Variants in COG3 observed in about 807,000 individuals in gnomAD.
COG3 encodes the protein conserved oligomeric Golgi complex subunit 3.
Under a neutral mutation model 114.1 loss-of-function variants are expected in COG3, and 32 were observed. The ratio of observed to expected loss-of-function variants is 0.28; its 90% CI spans 0.21 to 0.38. The LOEUF is 0.38. COG3 is among the 10% of genes least tolerant of loss of function. The pLI is 1.00. For synonymous variants in COG3, 352 were observed against 365.7 expected (o/e 0.96, Z 0.43); for missense variants, 813 against 973.2 (o/e 0.84, Z 2.19).
chr13:45,484,232 AT>A lies in COG3; in HGVS notation c.843+886del, dbSNP rs1277524745. On this transcript the variant is annotated intron_variant, in intron 7 of 22. Transcript: ENST00000349995. ...TTAGCTGACATACCAACTAACCTAT[AT>A]TTTTTTTTATTTTTTGCAAAATTTT... 1.5e-4 allele frequency among the ~76,000 whole-genome samples: 22 copies of A among 151,588 alleles called. 1 individual carries two copies. In the East Asian group the frequency reaches 4.1e-3, roughly 28 times the overall value.
intron 20 of COG3, among the ~76,000 whole-genome samples, chr13:45,525,410 C>G (rs1008710625): frequency 6.6e-6 from 1 of 152,100 alleles, no homozygotes; most frequent in Non-Finnish European, 1.5e-5. Context: ...CGAGTGTACC[C>G]ACTTTCAAGT....
chr13:45,513,185 A>T (rs1318247493), intron 16 of COG3, among the ~76,000 whole-genome samples: 4 of 106,976 alleles, frequency 3.7e-5, no homozygotes, highest in Admixed American at 1.2e-4. Context: ...TAAGGCTTTT[A>T]TATATATATA....
chr13:45,494,891 C>T (rs1244195204), intron 12 of COG3, among the ~76,000 whole-genome samples: 2 of 128,866 alleles, frequency 1.6e-5, no homozygotes, highest in Non-Finnish European at 3.2e-5. Flanking sequence ...GACGGAGTCT[C>T]GCTCTGTGCA....
intron 14 of COG3, among the ~76,000 whole-genome samples, chr13:45,504,589 G>A (rs1320450064): frequency 2.6e-5 from 4 of 152,214 alleles, no homozygotes; most frequent in Admixed American, 1.3e-4. Flanking sequence ...AAAGATAAAG[G>A]TGGTTTGAAC....
rs778522856 is a variant in COG3 at position 45,530,761 on chromosome 13, C to G, written c.2438C>G (p.Ala813Gly). The G allele has an allele frequency of 6.2e-7, 1 of 1,612,460 alleles. No individual in the cohort carries two copies. The highest frequency in any genetic ancestry group is 1.3e-5 in the African/African-American group (1 of 74,886). ...AGCCCTGAAGACATCCAGATCATTG[C>G]CTGTCCATCTATGGAACAGGTAATG... ...EFSPEDIQIIACPSMEQLSLL... is the reference protein window; with the variant it reads ...EFSPEDIQIIGCPSMEQLSLL... Residue 813 changes from alanine to glycine, a missense_variant, in exon 22 of 23, where the codon GCC (alanine) becomes GGC (glycine). Coordinates refer to ENST00000349995, the MANE Select transcript of COG3 (RefSeq NM_031431.4).
rs527911284 is a variant in COG3 at position 45,480,489 on chromosome 13, G to A, written c.549+199G>A. Among the ~76,000 whole-genome samples the A allele has an allele frequency of 3.4e-4, 52 of 152,332 alleles. 2 individuals are homozygous for A. Among genetic ancestry groups the A allele is most frequent in the Middle Eastern group, 6.8e-3 (2 of 294 alleles). The stretch of plus-strand genomic sequence containing the variant: ...GAATAGCAAAGGCAAGCCTTCTTAT[G>A]TTTTGAGCTGTTAGGTCTCAGTACA... On this transcript the variant is annotated intron_variant, in intron 4 of 22. Transcript: ENST00000349995.
At chr13:45,474,227 G>T (rs1227529753) in intron 1 of COG3, among the ~76,000 whole-genome samples, 1 of 133,690 alleles carries the variant, frequency 7.5e-6, no homozygotes, top group East Asian at 2.2e-4. Flanking sequence ...GCTCGATCTC[G>T]GCTCACTGCA....
intron 17 of COG3, among the ~76,000 whole-genome samples, chr13:45,516,961 T>C (rs1427317449): frequency 6.6e-6 from 1 of 152,180 alleles, no homozygotes; most frequent in African/African-American, 2.4e-5. Flanking sequence ...TTGAATCATC[T>C]TGAGAAAGAT....
intron 12 of COG3, among the ~76,000 whole-genome samples, chr13:45,495,777 G>C (rs1282940142): frequency 1.3e-5 from 2 of 152,212 alleles, no homozygotes; most frequent in East Asian, 1.9e-4. Context: ...TTCAATATCT[G>C]TGGTACTCAA....
At chr13:45,500,573 T>G (rs1195651978) in intron 13 of COG3, among the ~76,000 whole-genome samples, 3 of 152,214 alleles carry the variant, frequency 2.0e-5, no homozygotes, top group Non-Finnish European at 2.9e-5. Context: ...TAAGATAGTT[T>G]GAGATTTACA....
intron 1 of COG3, among the ~76,000 whole-genome samples, chr13:45,474,897 C>T (rs1489192553): frequency 6.6e-6 from 1 of 152,010 alleles, no homozygotes; most frequent in Admixed American, 6.6e-5. Context: ...ACAATTAGGC[C>T]CTTTTACTTT....
intron 12 of COG3, among the ~76,000 whole-genome samples, chr13:45,495,933 A>G (rs928066322): frequency 1.2e-4 from 18 of 152,268 alleles, no homozygotes; most frequent in African/African-American, 4.3e-4. Flanking sequence ...TAATAATATA[A>G]TTAAACAGAG....
chr13:45,468,843 A>G (rs1885302862), intron 1 of COG3, among the ~76,000 whole-genome samples: 1 of 152,240 alleles, frequency 6.6e-6, no homozygotes, highest in African/African-American at 2.4e-5. Context: ...GGTAAGCAGC[A>G]GGCATTCAGT....
chr13:45,509,678 C>T lies in COG3; in HGVS notation c.1595-14C>T. 1 of 1,610,442 alleles carries T rather than the reference C, an allele frequency of 6.2e-7. No homozygotes were observed. Among genetic ancestry groups the T allele is most frequent in the Non-Finnish European group, 8.5e-7 (1 of 1,178,342 alleles). ...CATGTGTGAAATGTGTCTTCTTTTC[C>T]ACTTGGGTTTTAGGTTCAACAGAAT... On this transcript the variant is annotated splice_polypyrimidine_tract_variant and intron_variant, in intron 14 of 22. Coordinates refer to ENST00000349995, the MANE Select transcript of COG3 (RefSeq NM_031431.4).
chr13:45,492,118 T>C (rs1455870932), intron 10 of COG3, 41 bp from the exon 11 acceptor site: 5 of 1,164,826 alleles, frequency 4.3e-6, no homozygotes, highest in Non-Finnish European at 6.3e-6. Context: ...AGAAATGTTG[T>C]GTGTCTTTAA....
Position 45,486,068 on chromosome 13 carries a change from G to C in COG3, c.844-427G>C, listed in dbSNP as rs1474599608. On this transcript the variant is annotated intron_variant, in intron 7 of 22. Coordinates refer to ENST00000349995, the MANE Select transcript of COG3 (RefSeq NM_031431.4). ...ACTCCGTCTGCAATCCCGGCACCTC[G>C]GGAGGCCGAGGTTGGCGGATCACTC... 3.9e-3 allele frequency among the ~76,000 whole-genome samples: 464 copies of C among 120,238 alleles called. 18 individuals are homozygous for C. The highest frequency in any genetic ancestry group is 0.018 in the African/African-American group (446 of 24,612). 78.9% of individuals were successfully genotyped at this position (120,238 alleles called of 152,430 possible).
chr13:45,502,534 AT>A (rs1349457262), intron 13 of COG3, among the ~76,000 whole-genome samples: 2 of 152,124 alleles, frequency 1.3e-5, no homozygotes, highest in Non-Finnish European at 2.9e-5. Context: ...CCGTTTAGGA[AT>A]TAGCTGTACT....
At position 45,483,349 on chromosome 13, in the gene COG3, G is replaced by A. The variant is rs1401045790; in HGVS notation, c.837G>A (p.Leu279=). Residue 279 remains leucine, a synonymous_variant, in exon 7 of 23, where the codon CTG becomes CTA. Transcript: ENST00000349995. ...TACAGACCCTCACAAGTCAGTTACT[G>A]AAAAGGGTGAGTTAACTGATCTCAA... The part of the protein sequence containing the change: ...NTLQTLTSQL[L]KRDPSSVPNA... The A allele has an allele frequency of 1.3e-6, 2 of 1,577,420 alleles. No homozygotes were observed. Among genetic ancestry groups the A allele is most frequent in the Non-Finnish European group, 1.7e-6 (2 of 1,164,202 alleles).
intron 2 of COG3, among the ~76,000 whole-genome samples, chr13:45,476,612 C>T (rs951474437): frequency 6.6e-6 from 1 of 152,156 alleles, no homozygotes; most frequent in African/African-American, 2.4e-5. Context: ...ATGTCTTATG[C>T]ACTTTTGACT....
Sources: gnomAD v4.1 joint callset for allele counts (sites outside exome capture counted in the v4.1 genomes callset) on GRCh38, gnomAD v4.1.1 for gene constraint, MANE v1.5 for transcripts, NCBI Gene and HGNC (gene_info 2026-07-23, HGNC 2026-07-21) for gene names.